Variants in TFF1 observed in about 807,000 individuals in gnomAD.
TFF1 encodes breast cancer estrogen-inducible protein.
Under a neutral mutation model 7.7 loss-of-function variants are expected in TFF1, and 8 were observed. The ratio of observed to expected loss-of-function variants is 1.04; its 90% CI spans 0.61 to 1.87. TFF1 has a LOEUF of 1.87. Among genes scored for constraint, TFF1 ranks in the 40% most tolerant of loss-of-function variants. The pLI is 0.00. For missense variants in TFF1, 120 were observed against 113.4 expected (o/e 1.06, Z -0.26); for synonymous variants, 47 against 44.8 (o/e 1.05, Z -0.19).
chr21:42,363,142 C>T (rs922673491), intron 2 of TFF1, 113 bp downstream of exon 2: 166 of 1,415,208 alleles, frequency 1.2e-4, no homozygotes, highest in African/African-American at 3.9e-4. Flanking sequence ...CACTGGCGGC[C>T]GTGACTCTGT....
chr21:42,366,253 G>T (rs2052278350), intron 1 of TFF1, among the ~76,000 whole-genome samples, 158 bp downstream of exon 1: 2 of 152,126 alleles, frequency 1.3e-5, no homozygotes, highest in African/African-American at 2.4e-5. Context: ...CTCTCCACCT[G>T]CTTTTGCCGA....
chr21:42,362,407 C>T lies in TFF1; in HGVS notation c.*72G>A. On this transcript the variant is annotated 3_prime_UTR_variant, in exon 3 of 3. Transcript: ENST00000291527. ...TGAGGTGTCCGGTGGAGGTGGCAGC[C>T]GAGCTCTGGGACTAATCACCGTGCT... The T allele has an allele frequency of 5.9e-6, 9 of 1,535,892 alleles. No individual in the cohort carries two copies. The highest frequency in any genetic ancestry group is 2.2e-4 in the Middle Eastern group (1 of 4,490).
chr21:42,364,540 G>A (rs2052263988), intron 1 of TFF1, among the ~76,000 whole-genome samples: 1 of 152,210 alleles, frequency 6.6e-6, no homozygotes, highest in African/African-American at 2.4e-5. Context: ...TAACACCAGA[G>A]CTTCAGGCTC....
At position 42,366,436 on chromosome 21, in the gene TFF1, G is replaced by T. The variant is rs142874600; in HGVS notation, c.60C>A (p.Leu20=). Residue 20 remains leucine, a synonymous_variant, in exon 1 of 3, where the codon CTC becomes CTA. Coordinates refer to ENST00000291527, the MANE Select transcript of TFF1 (RefSeq NM_003225.3). ...CTGTCTGGGCCTCGGCCAGGGTGCC[G>T]AGGGCCAGCATGGACACCAGGACCA... The part of the protein sequence containing the change: ...CALVLVSMLA[L]GTLAEAQTET... 3 of 1,611,934 alleles carry T rather than the reference G, an allele frequency of 1.9e-6. No homozygotes were observed. The highest frequency in any genetic ancestry group is 2.5e-6 in the Non-Finnish European group (3 of 1,178,514).
At chr21:42,364,715 AG>A (rs1018284594) in intron 1 of TFF1, among the ~76,000 whole-genome samples, 1 of 152,220 alleles carries the variant, frequency 6.6e-6, no homozygotes, top group Admixed American at 6.5e-5. Context: ...GGCTCAGGTG[AG>A]GGCGCCCCAG....
At chr21:42,364,173 G>T (rs531860905) in intron 1 of TFF1, among the ~76,000 whole-genome samples, 5 of 151,832 alleles carry the variant, frequency 3.3e-5, no homozygotes, top group African/African-American at 1.2e-4. Flanking sequence ...GCGAGACAAC[G>T]CAAGGCCATC....
chr21:42,364,917 C>G (rs2052267501), intron 1 of TFF1, among the ~76,000 whole-genome samples: 1 of 152,138 alleles, frequency 6.6e-6, no homozygotes, highest in African/African-American at 2.4e-5. Context: ...ATCGCCCACC[C>G]CCGGGACACT....
chr21:42,364,970 C>A (rs900543452), intron 1 of TFF1, among the ~76,000 whole-genome samples: 1 of 152,084 alleles, frequency 6.6e-6, no homozygotes, highest in African/African-American at 2.4e-5. Flanking sequence ...GGATCATCAT[C>A]CTGGGGGTCG....
chr21:42,362,491 C>G lies in TFF1; in HGVS notation c.243G>C (p.Glu81Asp). The G allele has an allele frequency of 6.3e-7, 1 of 1,585,888 alleles. No homozygotes were observed. Among genetic ancestry groups the G allele is most frequent in the Non-Finnish European group, 8.6e-7 (1 of 1,166,242 alleles). Residue 81 changes from glutamate to aspartate, a missense_variant, in exon 3 of 3, where the codon GAG becomes GAC. Transcript: ENST00000291527. ...PNTIDVPPEE[E>D]CEF ...CCTGCAGAAGTGTCTAAAATTCACA[C>G]TCCTCTACAGGGGTGAGGGGGAGGG...
intron 1 of TFF1, among the ~76,000 whole-genome samples, chr21:42,364,905 T>C (rs918404220): frequency 2.0e-5 from 3 of 152,060 alleles, no homozygotes; most frequent in South Asian, 4.1e-4. Flanking sequence ...GTGAAGGTGA[T>C]CATCGCCCAC....
chr21:42,362,325 CA>C lies in TFF1; in HGVS notation c.*153del. The C allele has an allele frequency of 2.5e-6, 2 of 792,854 alleles. No homozygotes were observed. The highest frequency in any genetic ancestry group is 4.0e-6 in the Non-Finnish European group (2 of 503,016). The allele number at this position is 792,854 out of a possible 1,614,324, so 49.1% of individuals were successfully genotyped here. A position where few individuals can be genotyped will look rare whatever the true frequency, so the allele number is the denominator to read the frequency against. ...AATTTTTAGGCCAATTTTGAGTAGT[CA>C]AAGTCAGAGCAGTCAATCTGTGTTG... is the stretch of plus-strand genomic sequence containing the variant. On this transcript the variant is annotated 3_prime_UTR_variant, in exon 3 of 3. Transcript: ENST00000291527.
intron 1 of TFF1, among the ~76,000 whole-genome samples, chr21:42,365,091 A>G (rs557825833): frequency 6.6e-6 from 1 of 152,264 alleles, no homozygotes; most frequent in South Asian, 2.1e-4. Flanking sequence ...ATAAATGGAA[A>G]TGGTTTCCAC....
intron 1 of TFF1, among the ~76,000 whole-genome samples, chr21:42,364,729 G>T (rs925657893): frequency 1.3e-5 from 2 of 152,194 alleles, no homozygotes; most frequent in Non-Finnish European, 2.9e-5. Flanking sequence ...CGCCCCAGGG[G>T]AGGCCGAGAG....
In TFF1 at chr21:42,366,465, C is replaced by A. The variant is rs111401209; in HGVS notation, c.31G>T (p.Ala11Ser). Residue 11 changes from alanine to serine, a missense_variant, in exon 1 of 3, where the codon GCC becomes TCC. By Grantham distance (99) the Ala-to-Ser change is moderately conservative. Coordinates refer to ENST00000291527, the MANE Select transcript of TFF1 (RefSeq NM_003225.3). MATMENKVIC[A>S]LVLVSMLALG... ...GCCAGCATGGACACCAGGACCAGGG[C>A]GCAGATCACCTTGTTCTCCATGGTG... 4.3e-6 allele frequency: 7 copies of A among 1,612,856 alleles called. No homozygotes were observed. The highest frequency in any genetic ancestry group is 5.9e-6 in the Non-Finnish European group (7 of 1,179,180).
At chr21:42,362,636 G>C in intron 2 of TFF1, 141 bp from the exon 3 acceptor site, 1 of 1,022,664 alleles carries the variant, frequency 9.8e-7, no homozygotes, top group Non-Finnish European at 1.4e-6. Flanking sequence ...AGCCGGGCAC[G>C]GTGGCTCACG....
rs556201706 is a variant in TFF1, at chr21:42,365,525, G to A, written c.85+886C>T. Among the ~76,000 whole-genome samples the A allele has an allele frequency of 4.3e-3, 649 of 152,220 alleles. 8 individuals carry two copies. The highest frequency in any genetic ancestry group is 3.4e-3 in the Non-Finnish European group (234 of 67,996). ...GGTGGCTGGAGGGCAGTGGGGGCAC[G>A]GACAGCACCACTGGGCGCTCCCTCT... On this transcript the variant is annotated intron_variant, in intron 1 of 2. Transcript: ENST00000291527.
chr21:42,362,575 T>G, intron 2 of TFF1, 80 bp from the exon 3 acceptor site: 1 of 1,476,668 alleles, frequency 6.8e-7, no homozygotes, highest in Non-Finnish European at 9.1e-7. Context: ...AATTACAGAG[T>G]TTTTACTTTA....
intron 2 of TFF1, 43 bp downstream of exon 2, chr21:42,363,212 C>A (rs1389626380): frequency 6.2e-7 from 1 of 1,613,342 alleles, no homozygotes; most frequent in African/African-American, 1.3e-5. Context: ...ACTTTTCTAA[C>A]TAATTCTAAA....
At chr21:42,362,842 T>C (rs2052248833) in intron 2 of TFF1, among the ~76,000 whole-genome samples, 1 of 143,632 alleles carries the variant, frequency 7.0e-6, no homozygotes, top group African/African-American at 2.6e-5. Flanking sequence ...GAGATTGCAG[T>C]GAGCCAAGAT....
Sources: allele counts gnomAD v4.1 joint callset (sites outside exome capture counted in the v4.1 genomes callset), GRCh38; gene constraint gnomAD v4.1.1; transcripts MANE v1.5; gene names NCBI Gene and HGNC (gene_info 2026-07-23, HGNC 2026-07-21).